DDR2: variants seen among roughly 807,000 people sequenced by gnomAD.
The protein encoded by DDR2 is discoidin domain-containing receptor 2.
Under a neutral mutation model 94.9 loss-of-function variants are expected in DDR2, and 27 were observed. That is an observed-to-expected ratio of 0.28 (90% CI 0.21 to 0.39). The LOEUF (loss-of-function observed/expected upper bound fraction) is 0.39. Among genes scored for constraint, DDR2 ranks in the 10% least tolerant of loss-of-function variants. The probability of loss-of-function intolerance (pLI) is 1.00; values close to 1 mark genes in which losing one functional copy is unlikely to be tolerated. For synonymous variants in DDR2, 382 were observed against 377.2 expected (o/e 1.01, Z -0.15); for missense variants, 783 against 1,076.0 (o/e 0.73, Z 3.81).
chr1:162,758,742 G>A (rs1663576029), intron 7 of DDR2, among the ~76,000 whole-genome samples: 1 of 151,594 alleles, frequency 6.6e-6, no homozygotes, highest in South Asian at 2.1e-4. Flanking sequence ...TTTATTTTTT[G>A]CGATTCACAA....
At chr1:162,753,022 A>G (rs1663288397) in intron 3 of DDR2, 73 bp from the exon 4 acceptor site, 3 of 1,310,380 alleles carry the variant, frequency 2.3e-6, no homozygotes, top group Non-Finnish European at 2.2e-6. Flanking sequence ...ATTCAGTGAT[A>G]TTCTTCCTAG....
intron 2 of DDR2, among the ~76,000 whole-genome samples, chr1:162,705,360 C>T (rs1202033983): frequency 6.6e-6 from 1 of 152,208 alleles, no homozygotes; most frequent in Non-Finnish European, 1.5e-5. Flanking sequence ...CTCACCATGT[C>T]GCTCTGGCCT....
chr1:162,755,387 T>C, intron 6 of DDR2, 84 bp downstream of exon 6: 1 of 1,536,880 alleles, frequency 6.5e-7, no homozygotes, highest in South Asian at 1.1e-5. Context: ...CAGAAAGGGA[T>C]GGGATCAGTT....
intron 1 of DDR2, among the ~76,000 whole-genome samples, chr1:162,650,861 G>A (rs1475715699): frequency 6.6e-6 from 1 of 151,976 alleles, no homozygotes; most frequent in Non-Finnish European, 1.5e-5. Context: ...AAGTAGCTGA[G>A]ATTACAGTGG....
At position 162,786,956 on chromosome 1, in the gene DDR2, T is replaced by G. The variant is rs1648175264; in HGVS notation, c.*6710T>G. On this transcript the variant is annotated 3_prime_UTR_variant, in exon 18 of 18. Coordinates refer to ENST00000367921, the MANE Select transcript of DDR2 (RefSeq NM_006182.4). Reference sequence around the variant, plus strand: ...TTTTTAAATCCAAATATAGTCTGTCTCAGACTACCTGCACATGCACAAACC... The same window carrying G: ...TTTTTAAATCCAAATATAGTCTGTCGCAGACTACCTGCACATGCACAAACC... 1 of 152,182 alleles carries G rather than the reference T, an allele frequency of 6.6e-6. No homozygotes were observed. Among genetic ancestry groups the G allele is most frequent in the Non-Finnish European group, 1.5e-5 (1 of 68,032 alleles). The allele number at this position is 152,182 out of a possible 1,614,324, so 9.4% of individuals were successfully genotyped here.
intron 2 of DDR2, among the ~76,000 whole-genome samples, chr1:162,688,770 C>A (rs1426956841): frequency 1.3e-5 from 2 of 152,152 alleles, no homozygotes; most frequent in African/African-American, 4.8e-5. Context: ...TGCCAGGAAA[C>A]TGTCTGGAGA....
At chr1:162,662,385 C>T (rs1658347061) in intron 2 of DDR2, among the ~76,000 whole-genome samples, 1 of 152,146 alleles carries the variant, frequency 6.6e-6, no homozygotes, top group Non-Finnish European at 1.5e-5. Flanking sequence ...GTGACATAAC[C>T]ACCCCAGCTT....
intron 2 of DDR2, among the ~76,000 whole-genome samples, chr1:162,703,510 A>C (rs1660522822): frequency 6.6e-6 from 1 of 152,232 alleles, no homozygotes; most frequent in South Asian, 2.1e-4. Context: ...CAAATAGGAC[A>C]CAAACCTCCA....
intron 2 of DDR2, among the ~76,000 whole-genome samples, chr1:162,695,044 T>C (rs1398315336): frequency 6.6e-6 from 1 of 152,226 alleles, no homozygotes; most frequent in Non-Finnish European, 1.5e-5. Flanking sequence ...ATCATTACTG[T>C]GACTTAGTTC....
chr1:162,691,985 C>T (rs530294472), intron 2 of DDR2, among the ~76,000 whole-genome samples: 2 of 152,298 alleles, frequency 1.3e-5, no homozygotes, highest in African/African-American at 4.8e-5. Flanking sequence ...TGGGTGGAGA[C>T]AGAGACCTTC....
chr1:162,757,179 T>C (rs1663503082), intron 7 of DDR2, among the ~76,000 whole-genome samples: 1 of 152,226 alleles, frequency 6.6e-6, no homozygotes, highest in African/African-American at 2.4e-5. Flanking sequence ...TTACTTCTGT[T>C]TGCTACAAGG....
At chr1:162,668,864 A>G (rs1323977443) in intron 2 of DDR2, among the ~76,000 whole-genome samples, 1 of 152,200 alleles carries the variant, frequency 6.6e-6, no homozygotes, top group Non-Finnish European at 1.5e-5. Flanking sequence ...CACACTGTTA[A>G]AGATATCTTT....
At chr1:162,712,844 C>G (rs1660981174) in intron 2 of DDR2, among the ~76,000 whole-genome samples, 1 of 152,134 alleles carries the variant, frequency 6.6e-6, no homozygotes, top group African/African-American at 2.4e-5. Flanking sequence ...GGTCTTCTAA[C>G]TTAGTGACCC....
intron 2 of DDR2, among the ~76,000 whole-genome samples, chr1:162,691,109 G>A (rs1659943882): frequency 6.6e-6 from 1 of 152,296 alleles, no homozygotes; most frequent in Non-Finnish European, 1.5e-5. Context: ...GGACATGCCT[G>A]GTGCCTGACA....
intron 2 of DDR2, among the ~76,000 whole-genome samples, chr1:162,678,070 C>A (rs577634715): frequency 3.3e-5 from 5 of 152,216 alleles, no homozygotes; most frequent in African/African-American, 1.2e-4. Context: ...ATGGGAGATG[C>A]TGAGCTCTGC....
At chr1:162,771,945 C>T in intron 12 of DDR2, 79 bp from the exon 13 acceptor site, 2 of 1,458,534 alleles carry the variant, frequency 1.4e-6, no homozygotes, top group Non-Finnish European at 1.9e-6. Context: ...ATGTTTTAGC[C>T]CTCCTCTCAG....
intron 2 of DDR2, among the ~76,000 whole-genome samples, chr1:162,694,254 T>A (rs1030293430): frequency 1.3e-5 from 2 of 152,228 alleles, no homozygotes; most frequent in Admixed American, 1.3e-4. Context: ...TCTGCTTTGC[T>A]CTCAGAGTAA....
At chr1:162,733,068 C>A (rs977455108) in intron 3 of DDR2, among the ~76,000 whole-genome samples, 2 of 152,222 alleles carry the variant, frequency 1.3e-5, no homozygotes, top group Non-Finnish European at 2.9e-5. Flanking sequence ...GCGGAAGCAT[C>A]AGAAAACCGC....
chr1:162,776,054 G>T lies in DDR2; in HGVS notation c.2049-82G>T, dbSNP rs79279549. 1.8e-3 allele frequency: 2,563 copies of T among 1,398,690 alleles called. 34 individuals carry two copies. In the African/African-American group the frequency reaches 0.032, roughly 17 times the overall value. 86.6% of individuals were successfully genotyped at this position (1,398,690 alleles called of 1,614,324 possible). ...AATGTTGAGCTTTCAACCCTAGTTT[G>T]TTGATACCATTTTAGAATGTGTACC... On this transcript the variant is annotated intron_variant, in intron 15 of 17. Transcript: ENST00000367921.
Sources: allele counts gnomAD v4.1 joint callset (sites outside exome capture counted in the v4.1 genomes callset), GRCh38; gene constraint gnomAD v4.1.1; transcripts MANE v1.5; gene names NCBI Gene and HGNC (gene_info 2026-07-23, HGNC 2026-07-21).